Variants in NOS1 observed in about 807,000 individuals in gnomAD.
NOS1 encodes the protein nitric oxide synthase 1.
A neutral mutation model predicts 164.5 loss-of-function variants in NOS1; 51 were observed. That is an observed-to-expected ratio of 0.31 (90% CI 0.25 to 0.39). The LOEUF is 0.39. Among genes scored for constraint, NOS1 ranks in the 10% least tolerant of loss-of-function variants. The pLI, the probability that NOS1 is intolerant of heterozygous loss-of-function variation, is 1.00. For synonymous variants in NOS1, 719 were observed against 745.8 expected, an observed-to-expected ratio of 0.96 and a Z score of 0.59; for missense variants, 1,362 against 1,885.6, an observed-to-expected ratio of 0.72 and a Z score of 5.14.
At chr12:117,246,548 A>G (rs1870631144) in intron 18 of NOS1, among the ~76,000 whole-genome samples, 2 of 152,068 alleles carry the variant, frequency 1.3e-5, no homozygotes, top group Middle Eastern at 3.2e-3. Context: ...AGGTTATGCA[A>G]CCCTTCCCAT....
chr12:117,227,697 A>G lies in NOS1; in HGVS notation c.3406-56T>C, dbSNP rs1304105079. ...TGAACCCAGCTGCCACATACTTCCCATGAGGACCTGAGGGGGTCCAGGAAG... is the reference window on the plus strand; with the variant it reads ...TGAACCCAGCTGCCACATACTTCCCGTGAGGACCTGAGGGGGTCCAGGAAG... On this transcript the variant is annotated intron_variant, in intron 22 of 28. Transcript: ENST00000317775. 8 of 1,556,532 alleles carry G rather than the reference A, an allele frequency of 5.1e-6. No individual in the cohort carries two copies. The South Asian group carries it at 6.7e-5, about 13-fold the overall frequency.
intron 24 of NOS1, among the ~76,000 whole-genome samples, chr12:117,225,736 C>T (rs1180057042): frequency 1.3e-5 from 2 of 152,184 alleles, no homozygotes; most frequent in African/African-American, 2.4e-5. Context: ...AGCAATTCTC[C>T]TGTCTCGGCC....
chr12:117,339,802 A>G (rs932979635), intron 1 of NOS1, among the ~76,000 whole-genome samples: 2 of 152,234 alleles, frequency 1.3e-5, no homozygotes, highest in South Asian at 4.1e-4. Flanking sequence ...ATTTAGAAAT[A>G]TAATTATAAG....
In NOS1 at chr12:117,272,310, G is replaced by A. The variant is rs1000200293; in HGVS notation, c.1839+75C>T. ...AAGTTTCCAAGCCACCAAGCTCGCC[G>A]TGGGGAAGGGGACTGCTGAGCTGGC... On this transcript the variant is annotated intron_variant, in intron 10 of 28. Transcript: ENST00000317775. This position sits in a 1 kb window ranked among gnomAD's most constrained non-coding sequence, Gnocchi z 4.3. 96 of 1,533,934 alleles carry A rather than the reference G, an allele frequency of 6.3e-5. No homozygotes were observed. The highest frequency in any genetic ancestry group is 3.4e-4 in the Middle Eastern group (2 of 5,894).
At position 117,220,118 on chromosome 12, in the gene NOS1, T is replaced by C. The variant is rs768521456; in HGVS notation, c.4127A>G (p.Lys1376Arg). 3.7e-6 allele frequency: 6 copies of C among 1,613,440 alleles called. No individual in the cohort carries two copies. Among genetic ancestry groups the C allele is most frequent in the Non-Finnish European group, 4.2e-6 (5 of 1,179,760 alleles). Residue 1376 changes from lysine to arginine, a missense_variant, in exon 27 of 29, where the codon AAG (lysine) becomes AGG (arginine). Transcript: ENST00000317775. Reference sequence around the variant, plus strand: ...TACGCCGGCGTCCTCTGCCGAGAGCTTCCCCTGCTGGGTCATGATGCGCTG... The same window carrying C: ...TACGCCGGCGTCCTCTGCCGAGAGCCTCCCCTGCTGGGTCATGATGCGCTG... The part of the protein sequence containing the change: ...AIQRIMTQQG[K>R]LSAEDAGVFI...
intron 25 of NOS1, among the ~76,000 whole-genome samples, chr12:117,223,630 G>T (rs528375468): frequency 4.4e-4 from 67 of 151,994 alleles, no homozygotes; most frequent in African/African-American, 1.4e-3. Context: ...AGGCTGGAGT[G>T]CAGTGGTGTG....
At position 117,209,326 on chromosome 12, in the gene NOS1, C is replaced by T; in HGVS notation, c.*5983G>A. On this transcript the variant is annotated 3_prime_UTR_variant, in exon 29 of 29. Transcript: ENST00000317775. The stretch of plus-strand genomic sequence containing the variant: ...GTGGATGGAGGCCAGGAATGCTGCT[C>T]AGCTTCCTACAGTACCCAAGACGGC... The T allele has an allele frequency of 1.0e-6, 1 of 956,910 alleles. No homozygotes were observed. Among genetic ancestry groups the T allele is most frequent in the Non-Finnish European group, 1.2e-6 (1 of 803,948 alleles). The allele number at this position is 956,910 out of a possible 1,614,324, so 59.3% of individuals were successfully genotyped here. A position where few individuals can be genotyped will look rare whatever the true frequency, so the allele number is the denominator to read the frequency against.
intron 2 of NOS1, among the ~76,000 whole-genome samples, chr12:117,316,377 CTT>C (rs1254997294): frequency 3.9e-5 from 6 of 152,096 alleles, no homozygotes; most frequent in Non-Finnish European, 4.4e-5. Flanking sequence ...GCCCTGATCT[CTT>C]GACTCCTCCC....
intron 16 of NOS1, among the ~76,000 whole-genome samples, chr12:117,255,031 A>G (rs1331466201): frequency 6.6e-6 from 1 of 152,200 alleles, no homozygotes; most frequent in Admixed American, 6.5e-5. Context: ...GCAGCACACC[A>G]GCATGGCACA....
chr12:117,337,230 C>A (rs1296879669), intron 1 of NOS1, among the ~76,000 whole-genome samples: 1 of 149,826 alleles, frequency 6.7e-6, no homozygotes, highest in Non-Finnish European at 1.5e-5. Context: ...ATTCTCCTGC[C>A]TCAGCCTCCC....
chr12:117,270,117 C>T (rs1304505599), intron 10 of NOS1, among the ~76,000 whole-genome samples: 1 of 152,232 alleles, frequency 6.6e-6, no homozygotes, highest in Non-Finnish European at 1.5e-5. Context: ...ACAGCCAAGG[C>T]AGAAGCAGGA....
At chr12:117,261,580 G>A (rs9658418) in intron 13 of NOS1, among the ~76,000 whole-genome samples, 1,710 of 152,282 alleles carry the variant, frequency 0.011, 36 homozygotes, top group African/African-American at 0.039. Flanking sequence ...GAAGGACCAG[G>A]TCTGATTTAT....
At chr12:117,218,310 T>C in intron 27 of NOS1, 146 bp from the exon 28 acceptor site, 1 of 700,050 alleles carries the variant, frequency 1.4e-6, no homozygotes, top group South Asian at 1.7e-5. Flanking sequence ...GTCCCCGAGG[T>C]ACCTTTGATC....
intron 3 of NOS1, among the ~76,000 whole-genome samples, chr12:117,303,530 G>A (rs1873961114): frequency 1.3e-5 from 2 of 152,130 alleles, no homozygotes; most frequent in African/African-American, 4.8e-5. Context: ...GAGGCTGGAG[G>A]GAGGGGCAAG....
intron 6 of NOS1, among the ~76,000 whole-genome samples, chr12:117,285,648 G>A (rs1874059704): frequency 6.6e-6 from 1 of 151,950 alleles, no homozygotes; most frequent in African/African-American, 2.4e-5. Context: ...AGGTTACTAG[G>A]GATTAGGGAT....
rs887594347 is a variant in NOS1 at position 117,223,539 on chromosome 12, C to T, written c.3827-676G>A. ...CCTCCCAAAGTGTTAGGATTATAAG[C>T]GTGAGCCACTGTGCCTGGCCTTTTT... On this transcript the variant is annotated intron_variant, in intron 25 of 28. Transcript: ENST00000317775. Among the ~76,000 whole-genome samples, 11 of 151,712 alleles carry T rather than the reference C, an allele frequency of 7.3e-5. No individual in the cohort carries two copies. In the South Asian group the frequency reaches 1.2e-3, roughly 17 times the overall value.
chr12:117,360,923 T>G (rs952659273), intron 1 of NOS1, among the ~76,000 whole-genome samples: 19 of 152,080 alleles, frequency 1.2e-4, no homozygotes, highest in African/African-American at 4.6e-4. Flanking sequence ...GACTAGGGTC[T>G]TGCAAAGTTG....
intron 4 of NOS1, among the ~76,000 whole-genome samples, chr12:117,289,278 T>G (rs1264781564): frequency 6.6e-6 from 1 of 152,232 alleles, no homozygotes; most frequent in African/African-American, 2.4e-5. Flanking sequence ...GCAACTTCCC[T>G]TAGATTCTTT....
chr12:117,259,294 GA>G (rs1353762201), intron 14 of NOS1, among the ~76,000 whole-genome samples, 164 bp from the exon 15 acceptor site: 1 of 152,190 alleles, frequency 6.6e-6, no homozygotes, highest in East Asian at 1.9e-4. Flanking sequence ...CAAAAGATCT[GA>G]GGTGTTAGTA....
Sources: gnomAD v4.1 joint callset for allele counts (sites outside exome capture counted in the v4.1 genomes callset) on GRCh38, gnomAD v4.1.1 for gene constraint, Gnocchi (gnomAD v3.1) non-coding constraint, MANE v1.5 for transcripts, NCBI Gene and HGNC (gene_info 2026-07-23, HGNC 2026-07-21) for gene names.